The following EVL variants were observed in gnomAD, a reference collection of about 807,000 sequenced individuals.
The protein encoded by EVL is ena/VASP-like protein.
Under a neutral mutation model 59.6 loss-of-function variants are expected in EVL, and 21 were observed. The observed-to-expected ratio is 0.35, with a 90% CI of 0.25 to 0.51. EVL has a LOEUF of 0.51. Among genes scored for constraint, EVL ranks in the 20% least tolerant of loss-of-function variants. EVL has a pLI of 0.97. For synonymous variants in EVL, 198 were observed against 203.5 expected (o/e 0.97, Z 0.23); for missense variants, 462 against 546.6 (o/e 0.85, Z 1.54).
At chr14:100,103,050 C>T (rs187046420) in intron 3 of EVL, among the ~76,000 whole-genome samples, 62 of 149,356 alleles carry the variant, frequency 4.2e-4, no homozygotes, top group Admixed American at 1.5e-3. Context: ...TGCAGTGAGC[C>T]GAGATCGCCT....
At chr14:100,126,677 TC>T in intron 4 of EVL, 29 bp from the exon 5 acceptor site, 4 of 1,610,744 alleles carry the variant, frequency 2.5e-6, no homozygotes, top group Non-Finnish European at 3.4e-6. Context: ...AGTGGAGGAG[TC>T]AGACTGCCCT....
intron 1 of EVL, among the ~76,000 whole-genome samples, chr14:100,078,971 T>G (rs1251224920): frequency 6.6e-6 from 1 of 151,936 alleles, no homozygotes; most frequent in East Asian, 1.9e-4. Context: ...GGAGAGAGAG[T>G]GAGGCCTTGG....
chr14:100,084,378 T>G (rs1201997940), intron 1 of EVL, among the ~76,000 whole-genome samples: 1 of 152,198 alleles, frequency 6.6e-6, no homozygotes, highest in Admixed American at 6.5e-5. Flanking sequence ...CATGGAATGT[T>G]GTGAACAGTT....
intron 1 of EVL, among the ~76,000 whole-genome samples, chr14:99,986,876 T>C (rs2060843308): frequency 6.6e-6 from 1 of 152,214 alleles, no homozygotes; most frequent in Non-Finnish European, 1.5e-5. Flanking sequence ...AATTGGACCC[T>C]ACCTCACACC....
At position 100,097,485 on chromosome 14, in the gene EVL, T is replaced by C. The variant is rs1010337733; in HGVS notation, c.185T>C (p.Val62Ala). The C allele has an allele frequency of 3.1e-6, 5 of 1,604,810 alleles. No homozygotes were observed. Among genetic ancestry groups the C allele is most frequent in the Non-Finnish European group, 4.3e-6 (5 of 1,176,362 alleles). ...TCTCTCTCCTTTCTCCTCCAGGTTG[T>C]GATCAATTATTCAATCGTGAAAGGG... ...VGVKLQDQQV[V>A]INYSIVKGLK... The change falls in exon 3 of 14, where the codon GTG becomes GCG. Residue 62 changes from valine (V) to alanine (A), a missense_variant. Transcript: ENST00000392920.
intron 1 of EVL, among the ~76,000 whole-genome samples, chr14:100,023,310 T>C (rs2061157714): frequency 6.6e-6 from 1 of 151,136 alleles, no homozygotes; most frequent in Non-Finnish European, 1.5e-5. Context: ...GTTCAAGCAA[T>C]TCTCCTGCCC....
chr14:100,020,920 A>G (rs2061112608), intron 1 of EVL, among the ~76,000 whole-genome samples: 1 of 152,244 alleles, frequency 6.6e-6, no homozygotes, highest in South Asian at 2.1e-4. Flanking sequence ...CTCTGGTGAC[A>G]TGGGCCCCTG....
intron 1 of EVL, among the ~76,000 whole-genome samples, chr14:100,071,255 G>A (rs1379864579): frequency 6.6e-6 from 1 of 152,192 alleles, no homozygotes; most frequent in Non-Finnish European, 1.5e-5. Flanking sequence ...CAAAAATGGG[G>A]CTCAGTCACC....
intron 3 of EVL, among the ~76,000 whole-genome samples, chr14:100,117,667 T>C (rs1257803090): frequency 6.6e-6 from 1 of 152,220 alleles, no homozygotes; most frequent in East Asian, 1.9e-4. Context: ...AGGTGGTGTC[T>C]GAGTCTCTGG....
chr14:100,141,100 C>G, intron 11 of EVL, 80 bp from the exon 12 acceptor site: 2 of 1,442,292 alleles, frequency 1.4e-6, no homozygotes, highest in South Asian at 1.2e-5. Context: ...GTGGGCCCAG[C>G]CTGAGCGGGG....
intron 11 of EVL, chr14:100,140,711 G>A (rs1261085492): frequency 6.5e-6 from 1 of 154,452 alleles, no homozygotes; most frequent in Non-Finnish European, 1.4e-5. Flanking sequence ...GGTGTGTCAG[G>A]AGCGCGCCTC....
chr14:100,061,170 C>T (rs1218247966), upstream of EVL, among the ~76,000 whole-genome samples: 2 of 151,878 alleles, frequency 1.3e-5, no homozygotes, highest in Admixed American at 6.6e-5. Context: ...GTGGACGGAT[C>T]CCTTGAGACC....
intron 1 of EVL, among the ~76,000 whole-genome samples, chr14:100,045,047 T>C (rs751667128): frequency 2.0e-5 from 3 of 152,220 alleles, no homozygotes; most frequent in Non-Finnish European, 4.4e-5. Context: ...TAGTGTGTTG[T>C]TGAACGCTGC....
At chr14:100,001,601 A>ACTT (rs2060946623) in intron 1 of EVL, among the ~76,000 whole-genome samples, 1 of 152,210 alleles carries the variant, frequency 6.6e-6, no homozygotes, top group Non-Finnish European at 1.5e-5. Context: ...GGAGTCTCAG[A>ACTT]TAAGGCTTTT....
chr14:100,050,445 G>A (rs1271657790), intron 1 of EVL, among the ~76,000 whole-genome samples: 1 of 151,330 alleles, frequency 6.6e-6, no homozygotes, highest in Non-Finnish European at 1.5e-5. Context: ...CACCTCCTGG[G>A]TTCACGCCAT....
chr14:100,106,937 C>T (rs1886606856), intron 3 of EVL: 1 of 398,690 alleles, frequency 2.5e-6, no homozygotes, highest in East Asian at 3.6e-5. Context: ...TCTTCTCCTC[C>T]AGTGCCTGGA....
chr14:100,025,998 C>A (rs1019573253), intron 1 of EVL, among the ~76,000 whole-genome samples: 1 of 152,064 alleles, frequency 6.6e-6, no homozygotes, highest in Non-Finnish European at 1.5e-5. Context: ...CGCTTGTAAT[C>A]CTAGCATTTT....
chr14:100,031,389 T>C (rs1446338944), intron 1 of EVL, among the ~76,000 whole-genome samples: 1 of 152,198 alleles, frequency 6.6e-6, no homozygotes, highest in Non-Finnish European at 1.5e-5. Context: ...CATAACTTCA[T>C]TGGGATAAAA....
chr14:99,989,267 C>T (rs781552480), intron 1 of EVL, among the ~76,000 whole-genome samples: 31 of 152,110 alleles, frequency 2.0e-4, no homozygotes, highest in Non-Finnish European at 3.7e-4. Context: ...TGTCTTTTAT[C>T]ATTTCTTCTT....
Sources: gnomAD v4.1 joint callset for allele counts (sites outside exome capture counted in the v4.1 genomes callset) on GRCh38, gnomAD v4.1.1 for gene constraint, MANE v1.5 for transcripts, NCBI Gene and HGNC (gene_info 2026-07-23, HGNC 2026-07-21) for gene names.